Variants in PCDHGA8 observed in about 807,000 individuals in gnomAD.
The protein encoded by PCDHGA8 is protocadherin gamma-A8.
A neutral mutation model predicts 59.2 loss-of-function variants in PCDHGA8; 45 were observed. The ratio of observed to expected loss-of-function variants is 0.76; its 90% CI spans 0.60 to 0.98. The LOEUF (loss-of-function observed/expected upper bound fraction) is 0.98. PCDHGA8 is among the 50% of genes least tolerant of loss of function. PCDHGA8 has a pLI of 0.00. For synonymous variants in PCDHGA8, 531 were observed against 519.0 expected (o/e 1.02, Z -0.32); for missense variants, 1,257 against 1,196.2 (o/e 1.05, Z -0.75).
rs201006002 is a variant in PCDHGA8, at chr5:141,432,497, C to G, written c.2424+37260C>G. Reference sequence around the variant, plus strand: ...TTCCACTGGCGTGGAGCTGGCTCCCCGCTCCGCAGAGCCCGGCTACCTGGT... The same window carrying G: ...TTCCACTGGCGTGGAGCTGGCTCCCGGCTCCGCAGAGCCCGGCTACCTGGT... On this transcript the variant is annotated intron_variant, in intron 1 of 3. Transcript: ENST00000398604. This position sits in a 1 kb window ranked among gnomAD's most constrained non-coding sequence, Gnocchi z 6.0. The G allele has an allele frequency of 1.1e-5, 18 of 1,614,182 alleles. No homozygotes were observed. In the East Asian group the frequency reaches 4.0e-4, roughly 36 times the overall value.
chr5:141,497,919 T>G (rs762168347), intron 2 of PCDHGA8, among the ~76,000 whole-genome samples: 11 of 152,206 alleles, frequency 7.2e-5, no homozygotes, highest in Non-Finnish European at 1.6e-4. Flanking sequence ...TCTCCTTCAT[T>G]CATTCAACAA....
At chr5:141,500,499 G>A (rs531501031) in intron 2 of PCDHGA8, among the ~76,000 whole-genome samples, 11 of 151,970 alleles carry the variant, frequency 7.2e-5, no homozygotes, top group African/African-American at 2.7e-4. Context: ...GTGAGCCACC[G>A]CGCCTGGCCG....
intron 1 of PCDHGA8, among the ~76,000 whole-genome samples, chr5:141,471,996 G>A (rs2099268647): frequency 6.6e-6 from 1 of 152,006 alleles, no homozygotes; most frequent in Admixed American, 6.6e-5. Context: ...AAAAATCCCT[G>A]CATCGTATAG....
At position 141,393,422 on chromosome 5, in the gene PCDHGA8, G is replaced by C. The variant is rs552855100; in HGVS notation, c.609G>C (p.Glu203Asp). 12 of 1,614,042 alleles carry C rather than the reference G, an allele frequency of 7.4e-6. No individual in the cohort carries two copies. The East Asian group carries it at 2.7e-4, about 36-fold the overall frequency. Residue 203 changes from glutamate to aspartate, a missense_variant, in exon 1 of 4, where the codon GAG becomes GAC. Coordinates refer to ENST00000398604, the MANE Select transcript of PCDHGA8 (RefSeq NM_032088.2). Reference protein sequence around the residue: ...ELVLERALDREEEAAHHLVLT... With the variant: ...ELVLERALDRDEEAAHHLVLT... ...TGCTGGAGCGCGCCCTGGACAGGGA[G>C]GAAGAGGCTGCTCACCACCTGGTCC...
intron 1 of PCDHGA8, among the ~76,000 whole-genome samples, chr5:141,460,093 A>T (rs2098981983): frequency 6.6e-6 from 1 of 151,964 alleles, no homozygotes. Flanking sequence ...TAATAATTAT[A>T]CATGTAATTA....
chr5:141,395,140 C>T lies in PCDHGA8; in HGVS notation c.2327C>T (p.Ala776Val). ...CTGATCTTTCCCCAGCCCAACTACG[C>T]AGACATGCTCATCAGTCAGGAGGGC... ...SHLIFPQPNY[A>V]DMLISQEGCE... is the part of the protein sequence containing the mutation. The change falls in exon 1 of 4, where the codon GCA (alanine) becomes GTA (valine). Residue 776 changes from alanine (A) to valine (V), a missense_variant. Ala to Val is a moderately conservative substitution (Grantham distance 64, BLOSUM62 0). Transcript: ENST00000398604. The T allele has an allele frequency of 6.2e-7, 1 of 1,614,212 alleles. No individual in the cohort carries two copies. The highest frequency in any genetic ancestry group is 8.5e-7 in the Non-Finnish European group (1 of 1,180,046).
intron 1 of PCDHGA8, among the ~76,000 whole-genome samples, chr5:141,484,597 A>C (rs1345278081): frequency 1.3e-5 from 2 of 152,070 alleles, no homozygotes; most frequent in African/African-American, 4.8e-5. Flanking sequence ...CTCATTTAGA[A>C]TACTGGTTGA....
intron 1 of PCDHGA8, among the ~76,000 whole-genome samples, chr5:141,443,772 C>T (rs1284723564): frequency 6.6e-6 from 1 of 151,568 alleles, no homozygotes; most frequent in Non-Finnish European, 1.5e-5. Context: ...TACAATATTA[C>T]CAAAAAGACA....
chr5:141,484,994 G>A (rs1257915410), intron 1 of PCDHGA8: 4 of 610,330 alleles, frequency 6.6e-6, no homozygotes, highest in Non-Finnish European at 1.2e-5. Context: ...GGTGGTGAAA[G>A]GCAGACAAAT....
At chr5:141,398,544 G>A (rs1002395942) in intron 1 of PCDHGA8, 1 of 1,613,852 alleles carries the variant, frequency 6.2e-7, no homozygotes, top group Non-Finnish European at 8.5e-7. Flanking sequence ...ATTCCTTTGA[G>A]CTGCAAATAA....
chr5:141,423,887 T>C, intron 1 of PCDHGA8: 2 of 1,282,240 alleles, frequency 1.6e-6, no homozygotes, highest in Non-Finnish European at 2.0e-6. Context: ...CTTGGCATAT[T>C]TTCTTTTGAT....
At chr5:141,478,163 C>T (rs779617960) in intron 1 of PCDHGA8, 1 of 1,614,028 alleles carries the variant, frequency 6.2e-7, no homozygotes, top group Non-Finnish European at 8.5e-7. Context: ...TGGCTCTGCC[C>T]CCCGGGAGCA....
intron 1 of PCDHGA8, among the ~76,000 whole-genome samples, chr5:141,451,908 G>A (rs899191624): frequency 3.9e-5 from 6 of 152,046 alleles, no homozygotes; most frequent in African/African-American, 7.2e-5. Context: ...AAGGGAGGGA[G>A]GGAGGAAGGA....
intron 1 of PCDHGA8, chr5:141,399,509 AC>A: frequency 6.2e-7 from 1 of 1,613,968 alleles, no homozygotes; most frequent in Non-Finnish European, 8.5e-7. Flanking sequence ...CCCGAAAACA[AC>A]CCTCCTGGGG....
At chr5:141,455,842 C>T (rs1224197325) in intron 1 of PCDHGA8, among the ~76,000 whole-genome samples, 1 of 150,876 alleles carries the variant, frequency 6.6e-6, no homozygotes, top group Non-Finnish European at 1.5e-5. Context: ...TGTCTATCTG[C>T]ATAAAATAAT....
chr5:141,478,038 G>A lies in PCDHGA8; in HGVS notation c.2425-16769G>A, dbSNP rs1401384720. ...CCAGTCCAAGACACAGATTCACCCA[G>A]GCAGACTCTCACGGTCTTGATCAAA... On this transcript the variant is annotated intron_variant, in intron 1 of 3. Transcript: ENST00000398604. 8 of 1,614,006 alleles carry A rather than the reference G, an allele frequency of 5.0e-6. No homozygotes were observed. In the African/African-American group the frequency reaches 1.1e-4, roughly 22 times the overall value.
intron 1 of PCDHGA8, among the ~76,000 whole-genome samples, chr5:141,472,590 C>G (rs1161871973): frequency 6.6e-6 from 1 of 151,908 alleles, no homozygotes; most frequent in African/African-American, 2.4e-5. Flanking sequence ...GTCAGAAGCT[C>G]TCTTGAAATT....
In PCDHGA8 at chr5:141,504,261, A is replaced by AT. The variant is rs144925096; in HGVS notation, c.2484-1125dup. Among the ~76,000 whole-genome samples the AT allele has an allele frequency of 3.8e-3, 573 of 152,258 alleles. 3 individuals are homozygous for AT. The highest frequency in any genetic ancestry group is 0.012 in the African/African-American group (514 of 41,556). ...CAGAGAGTTCTTCTTATGGTTTAGT[A>AT]TTTTTTTAAATTATGAATCATTTCA... On this transcript the variant is annotated intron_variant, in intron 2 of 3. Transcript: ENST00000398604.
chr5:141,393,194 C>A lies in PCDHGA8; in HGVS notation c.381C>A (p.Asn127Lys). ...FGVEIEIIDI[N>K]DNNPKFQVED... ...TAGAAATAGAAATAATTGATATTAA[C>A]GATAATAACCCAAAATTCCAGGTCG... The change falls in exon 1 of 4, where the codon AAC (asparagine) becomes AAA (lysine). Residue 127 changes from asparagine (N) to lysine (K), a missense_variant. Asn to Lys is a moderately conservative substitution (Grantham distance 94, BLOSUM62 0). Transcript: ENST00000398604. 1.2e-6 allele frequency: 2 copies of A among 1,613,362 alleles called. No individual in the cohort carries two copies. The highest frequency in any genetic ancestry group is 1.7e-6 in the Non-Finnish European group (2 of 1,179,878).
Sources: gnomAD v4.1 joint callset for allele counts (sites outside exome capture counted in the v4.1 genomes callset) on GRCh38, gnomAD v4.1.1 for gene constraint, Gnocchi (gnomAD v3.1) non-coding constraint, MANE v1.5 for transcripts, NCBI Gene and HGNC (gene_info 2026-07-23, HGNC 2026-07-21) for gene names.